The following NCAM2 variants were observed in gnomAD, a reference collection of about 807,000 sequenced individuals.
NCAM2 encodes neural cell adhesion molecule 2, also known as N-CAM-2.
In NCAM2, 30 loss-of-function variants were observed where a neutral mutation model predicts 98.1. The ratio of observed to expected loss-of-function variants is 0.31; its 90% CI spans 0.23 to 0.41. NCAM2 has a LOEUF of 0.41. Ranked by LOEUF, NCAM2 falls within the 10% of genes least tolerant of loss-of-function variation. The probability of loss-of-function intolerance (pLI) is 1.00; values close to 1 mark genes in which losing one functional copy is unlikely to be tolerated. For missense variants in NCAM2, 867 were observed against 1,005.8 expected (o/e 0.86, Z 1.87); for synonymous variants, 368 against 342.4 (o/e 1.07, Z -0.83).
intron 1 of NCAM2, among the ~76,000 whole-genome samples, chr21:21,132,386 T>C (rs2066953437): frequency 1.3e-5 from 1 of 75,442 alleles, no homozygotes; most frequent in Non-Finnish European, 2.9e-5. Context: ...TAATCACATC[T>C]GTAAAGTCTT....
chr21:21,224,509 G>A (rs2070301597), intron 1 of NCAM2, among the ~76,000 whole-genome samples: 2 of 152,034 alleles, frequency 1.3e-5, no homozygotes, highest in Admixed American at 6.6e-5. Context: ...CATTGCAAAA[G>A]CACATATAAA....
At chr21:21,492,561 A>G (rs1330892547) in intron 15 of NCAM2, among the ~76,000 whole-genome samples, 1 of 151,930 alleles carries the variant, frequency 6.6e-6, no homozygotes, top group East Asian at 1.9e-4. Flanking sequence ...TTTTTTACAC[A>G]TATTTTGATA....
chr21:21,106,314 C>CAAAAAGAAAAAAAAAAAAAA (rs2066345513), intron 1 of NCAM2, among the ~76,000 whole-genome samples: 1 of 103,490 alleles, frequency 9.7e-6, no homozygotes, highest in African/African-American at 4.5e-5. Flanking sequence ...GTCTCAAAAG[C>CAAAAAGAAAAAAAAAAAAAA]AAAAAAAAAA....
At chr21:21,024,877 A>C (rs1231656512) in intron 1 of NCAM2, among the ~76,000 whole-genome samples, 2 of 148,906 alleles carry the variant, frequency 1.3e-5, no homozygotes, top group Non-Finnish European at 1.5e-5. Context: ...AGAGAGGGTG[A>C]CTCCGTCTCA....
intron 12 of NCAM2, among the ~76,000 whole-genome samples, chr21:21,435,792 G>T (rs73324870): frequency 0.043 from 6,534 of 152,070 alleles, 257 homozygotes; most frequent in East Asian, 0.13. Context: ...ATTTATTGCT[G>T]CATTTACACT....
chr21:21,491,959 G>T (rs960651680), intron 15 of NCAM2, among the ~76,000 whole-genome samples: 1 of 151,310 alleles, frequency 6.6e-6, no homozygotes, highest in East Asian at 1.9e-4. Context: ...GAATCCCCTT[G>T]ATAATAGGAT....
intron 8 of NCAM2, among the ~76,000 whole-genome samples, chr21:21,363,160 A>G (rs2075691568): frequency 6.6e-6 from 1 of 152,164 alleles, no homozygotes; most frequent in Non-Finnish European, 1.5e-5. Context: ...CAAATGATAG[A>G]GAAAGTGATA....
intron 1 of NCAM2, among the ~76,000 whole-genome samples, chr21:21,257,159 C>A (rs1462822038): frequency 9.9e-5 from 15 of 152,066 alleles, no homozygotes; most frequent in Admixed American, 9.2e-4. Context: ...AAGAAGAAAC[C>A]AGTTGTCTGA....
At chr21:21,174,301 CAAAT>C (rs1184040462) in intron 1 of NCAM2, among the ~76,000 whole-genome samples, 2 of 152,106 alleles carry the variant, frequency 1.3e-5, no homozygotes, top group African/African-American at 2.4e-5. Flanking sequence ...CTAGATTTAA[CAAAT>C]AAAACACAAG....
chr21:21,499,863 A>G (rs1987512187), intron 15 of NCAM2, among the ~76,000 whole-genome samples: 1 of 152,128 alleles, frequency 6.6e-6, no homozygotes, highest in Non-Finnish European at 1.5e-5. Flanking sequence ...GATATTTCCA[A>G]TTGTATTATA....
intron 16 of NCAM2, 78 bp from the exon 17 acceptor site, chr21:21,534,459 G>A (rs1040566555): frequency 8.2e-6 from 10 of 1,224,942 alleles, no homozygotes; most frequent in Admixed American, 2.8e-5. Flanking sequence ...AGAATTGGGT[G>A]ATTTTAAACT....
intron 15 of NCAM2, among the ~76,000 whole-genome samples, chr21:21,506,563 C>T (rs1987993245): frequency 6.6e-6 from 1 of 151,834 alleles, no homozygotes; most frequent in Non-Finnish European, 1.5e-5. Flanking sequence ...GATAACTAAT[C>T]TTTGGAATCT....
At chr21:21,458,599 A>T (rs1982500580) in intron 12 of NCAM2, among the ~76,000 whole-genome samples, 2 of 152,112 alleles carry the variant, frequency 1.3e-5, no homozygotes, top group South Asian at 4.1e-4. Flanking sequence ...ATATGTATAA[A>T]CCAGGAAGCA....
chr21:21,017,163 C>T (rs1183430912), intron 1 of NCAM2, among the ~76,000 whole-genome samples: 13 of 151,596 alleles, frequency 8.6e-5, no homozygotes, highest in Admixed American at 4.6e-4. Context: ...CCATGGCTCA[C>T]GCCTATAATC....
At chr21:21,063,367 T>C (rs2065364213) in intron 1 of NCAM2, among the ~76,000 whole-genome samples, 1 of 151,798 alleles carries the variant, frequency 6.6e-6, no homozygotes. Flanking sequence ...TCTACAGGCA[T>C]GCGCCAGCAC....
chr21:21,214,454 A>T (rs1324695506), intron 1 of NCAM2, among the ~76,000 whole-genome samples: 2 of 152,008 alleles, frequency 1.3e-5, no homozygotes, highest in Admixed American at 1.3e-4. Context: ...TGGCCAATTA[A>T]CTGCAATGCC....
chr21:21,431,616 C>G (rs965332476), intron 11 of NCAM2, among the ~76,000 whole-genome samples: 5 of 151,974 alleles, frequency 3.3e-5, no homozygotes, highest in East Asian at 1.9e-4. Context: ...ACATTTTTCT[C>G]AAAACTTAGC....
At chr21:21,358,422 C>T (rs562830014) in intron 8 of NCAM2, among the ~76,000 whole-genome samples, 24 of 151,674 alleles carry the variant, frequency 1.6e-4, no homozygotes, top group African/African-American at 5.3e-4. Flanking sequence ...TGTATATGCC[C>T]TATAGAGATC....
At chr21:21,396,347 A>G (rs956743801) in intron 9 of NCAM2, among the ~76,000 whole-genome samples, 1 of 152,190 alleles carries the variant, frequency 6.6e-6, no homozygotes, top group Non-Finnish European at 1.5e-5. Flanking sequence ...TCAAAAAAAT[A>G]AAAATACAAT....
Sources: gnomAD v4.1 joint callset for allele counts (sites outside exome capture counted in the v4.1 genomes callset) on GRCh38, gnomAD v4.1.1 for gene constraint, MANE v1.5 for transcripts, NCBI Gene and HGNC (gene_info 2026-07-23, HGNC 2026-07-21) for gene names.